Variants in NEO1 observed in about 807,000 individuals in gnomAD.
NEO1 encodes the protein neogenin.
Under a neutral mutation model 159.7 loss-of-function variants are expected in NEO1, and 63 were observed. The ratio of observed to expected loss-of-function variants is 0.39; its 90% CI spans 0.32 to 0.49. NEO1 has a LOEUF of 0.49. Among genes scored for constraint, NEO1 ranks in the 20% least tolerant of loss-of-function variants. The pLI is 0.85. For synonymous variants in NEO1, 633 were observed against 662.0 expected, an observed-to-expected ratio of 0.96 and a Z score of 0.67; for missense variants, 1,615 against 1,831.0, an observed-to-expected ratio of 0.88 and a Z score of 2.15.
chr15:73,118,995 CTG>C (rs143254969), intron 2 of NEO1, among the ~76,000 whole-genome samples: 262 of 150,310 alleles, frequency 1.7e-3, no homozygotes, highest in African/African-American at 5.8e-3. Context: ...ATAGGATACA[CTG>C]TGTGTGTGTG....
intron 3 of NEO1, 112 bp downstream of exon 3, chr15:73,122,912 G>C: frequency 2.3e-6 from 3 of 1,307,936 alleles, no homozygotes; most frequent in Non-Finnish European, 2.1e-6. Flanking sequence ...GCTCACACCT[G>C]TAATCCCAGC....
Position 73,055,697 on chromosome 15 carries a change from G to C in NEO1, c.130+2892G>C, listed in dbSNP as rs528767067. Among the ~76,000 whole-genome samples the C allele has an allele frequency of 3.3e-5, 5 of 152,072 alleles. No individual in the cohort carries two copies. In the South Asian group the frequency reaches 1.0e-3, roughly 32 times the overall value. On this transcript the variant is annotated intron_variant, in intron 1 of 28. Transcript: ENST00000261908. ...GTTAAACTCTGTGTCATTTTCCCTC[G>C]TGCTTCCTTCATCCCCATTCTCTAA... is the stretch of plus-strand genomic sequence containing the variant.
intron 1 of NEO1, among the ~76,000 whole-genome samples, chr15:73,066,168 C>T (rs1415970925): frequency 6.6e-6 from 1 of 151,420 alleles, no homozygotes; most frequent in Non-Finnish European, 1.5e-5. Flanking sequence ...CAGGCGCCTG[C>T]CACCATGCCC....
At chr15:73,059,641 C>A (rs940161298) in intron 1 of NEO1, among the ~76,000 whole-genome samples, 9 of 152,174 alleles carry the variant, frequency 5.9e-5, no homozygotes, top group Admixed American at 5.2e-4. Context: ...AGTGCCATTA[C>A]TGCTGTAGGT....
intron 1 of NEO1, among the ~76,000 whole-genome samples, chr15:73,096,222 C>T (rs750733476): frequency 2.0e-5 from 3 of 152,114 alleles, no homozygotes; most frequent in Non-Finnish European, 4.4e-5. Flanking sequence ...ATAGATATCT[C>T]GGTTGGTTCG....
intron 7 of NEO1, among the ~76,000 whole-genome samples, chr15:73,193,007 G>A (rs1281276295): frequency 6.6e-6 from 1 of 151,882 alleles, no homozygotes; most frequent in Non-Finnish European, 1.5e-5. Context: ...AACTTTTTGA[G>A]TTTTTATTTC....
At chr15:73,072,609 C>T (rs1322949448) in intron 1 of NEO1, among the ~76,000 whole-genome samples, 1 of 152,114 alleles carries the variant, frequency 6.6e-6, no homozygotes, top group Admixed American at 6.5e-5. Flanking sequence ...TACATGTAAA[C>T]AAGCGATTTG....
At chr15:73,152,660 G>T (rs957355836) in intron 5 of NEO1, among the ~76,000 whole-genome samples, 19 of 152,170 alleles carry the variant, frequency 1.2e-4, no homozygotes, top group Admixed American at 2.0e-4. Context: ...GGAGGACTAG[G>T]CTTGTAACCG....
chr15:73,158,232 T>A (rs1279794991), intron 5 of NEO1, among the ~76,000 whole-genome samples: 9 of 148,462 alleles, frequency 6.1e-5, no homozygotes, highest in Non-Finnish European at 1.2e-4. Context: ...TTTTTTTTTT[T>A]TACAATTTTT....
At chr15:73,228,183 C>G (rs909106050) in intron 7 of NEO1, among the ~76,000 whole-genome samples, 2 of 152,184 alleles carry the variant, frequency 1.3e-5, no homozygotes, top group Admixed American at 6.6e-5. Context: ...AACCAGTCAT[C>G]AAGGGCCCAA....
At chr15:73,263,814 A>T (rs964925867) in intron 15 of NEO1, among the ~76,000 whole-genome samples, 6 of 152,214 alleles carry the variant, frequency 3.9e-5, no homozygotes, top group African/African-American at 1.4e-4. Flanking sequence ...GAAACAGTAC[A>T]GTTAACCTAG....
chr15:73,122,123 A>T (rs2071701466), intron 2 of NEO1, among the ~76,000 whole-genome samples: 1 of 28,892 alleles, frequency 3.5e-5, no homozygotes, highest in South Asian at 6.1e-4. Context: ...ATATATGTAT[A>T]GCAATGAATA....
At chr15:73,226,078 G>C (rs745305616) in intron 7 of NEO1, among the ~76,000 whole-genome samples, 1 of 152,208 alleles carries the variant, frequency 6.6e-6, no homozygotes, top group Non-Finnish European at 1.5e-5. Flanking sequence ...GTGGGGATGT[G>C]TGTTCAGGAG....
intron 7 of NEO1, among the ~76,000 whole-genome samples, chr15:73,215,477 A>G (rs981453342): frequency 3.3e-5 from 5 of 152,132 alleles, no homozygotes; most frequent in Admixed American, 1.3e-4. Context: ...GCTGCTAACA[A>G]TTTTAATCAT....
chr15:73,244,584 G>A, intron 9 of NEO1, 86 bp downstream of exon 9: 2 of 1,414,988 alleles, frequency 1.4e-6, no homozygotes, highest in Non-Finnish European at 1.9e-6. Context: ...CACCATAGGG[G>A]AGCAGAAGAT....
At chr15:73,175,756 T>G (rs1029908159) in intron 5 of NEO1, among the ~76,000 whole-genome samples, 3 of 152,182 alleles carry the variant, frequency 2.0e-5, no homozygotes, top group African/African-American at 7.2e-5. Flanking sequence ...ACTTCAACCC[T>G]TCTAATTAAA....
intron 5 of NEO1, among the ~76,000 whole-genome samples, chr15:73,141,859 G>A (rs547048633): frequency 6.6e-6 from 1 of 152,250 alleles, no homozygotes; most frequent in East Asian, 1.9e-4. Context: ...GGGATAAAAA[G>A]CAAATTCCTT....
intron 7 of NEO1, among the ~76,000 whole-genome samples, chr15:73,181,731 C>T (rs1247091260): frequency 6.6e-6 from 1 of 152,140 alleles, no homozygotes; most frequent in Non-Finnish European, 1.5e-5. Flanking sequence ...CCAAACACCT[C>T]CCCAGGTTCC....
chr15:73,253,331 G>A (rs2040174879), intron 11 of NEO1, 69 bp from the exon 12 acceptor site: 3 of 892,236 alleles, frequency 3.4e-6, no homozygotes, highest in Non-Finnish European at 5.0e-6. Flanking sequence ...GTCCAGCCAA[G>A]ATGATCACAT....
Sources: allele counts gnomAD v4.1 joint callset (sites outside exome capture counted in the v4.1 genomes callset), GRCh38; gene constraint gnomAD v4.1.1; transcripts MANE v1.5; gene names NCBI Gene and HGNC (gene_info 2026-07-23, HGNC 2026-07-21).